Variants in GNG7 observed in about 807,000 individuals in gnomAD.
GNG7 encodes the protein guanine nucleotide-binding protein G(I)/G(S)/G(O) subunit gamma-7.
GNG7 carries 1 observed loss-of-function variant against 4.0 expected under a neutral mutation model. The observed-to-expected ratio is 0.25, with a 90% CI of 0.09 to 1.18. The LOEUF (loss-of-function observed/expected upper bound fraction) is 1.18, where lower values mean the gene tolerates loss of function less well. Among genes scored for constraint, GNG7 ranks in the 50% most tolerant of loss-of-function variants. The pLI, the probability that GNG7 is intolerant of heterozygous loss-of-function variation, is 0.50. For synonymous variants in GNG7, 34 were observed against 36.9 expected (o/e 0.92, Z 0.29); for missense variants, 86 against 91.9 (o/e 0.94, Z 0.26).
chr19:2,655,295 G>A (rs1011866744), intron 1 of GNG7, among the ~76,000 whole-genome samples: 3 of 151,688 alleles, frequency 2.0e-5, no homozygotes, highest in Non-Finnish European at 4.4e-5. Flanking sequence ...ATAAAGACAC[G>A]CAGGCAGCCA....
intron 2 of GNG7, among the ~76,000 whole-genome samples, chr19:2,636,943 C>T (rs1982323752): frequency 1.3e-5 from 2 of 151,692 alleles, no homozygotes; most frequent in African/African-American, 4.8e-5. Context: ...CACCTCCGTC[C>T]CCACTTGTGC....
intron 3 of GNG7, among the ~76,000 whole-genome samples, chr19:2,522,041 C>T (rs1378170928): frequency 6.6e-6 from 1 of 152,172 alleles, no homozygotes; most frequent in Non-Finnish European, 1.5e-5. Flanking sequence ...GTGGAATCCC[C>T]AGATCTCATC....
intron 1 of GNG7, among the ~76,000 whole-genome samples, chr19:2,686,945 G>C (rs1312691527): frequency 6.6e-6 from 1 of 151,588 alleles, no homozygotes; most frequent in African/African-American, 2.4e-5. Flanking sequence ...GTAGAGACGG[G>C]GTTTCACCGT....
At chr19:2,622,224 C>T (rs1291015989) in intron 2 of GNG7, among the ~76,000 whole-genome samples, 2 of 152,054 alleles carry the variant, frequency 1.3e-5, no homozygotes, top group East Asian at 3.9e-4. Context: ...GGACTACAGG[C>T]GCCCGCCACC....
intron 2 of GNG7, among the ~76,000 whole-genome samples, chr19:2,597,764 C>T (rs1360980417): frequency 2.0e-5 from 3 of 150,790 alleles, no homozygotes; most frequent in African/African-American, 4.9e-5. Context: ...GGCGTGGTGG[C>T]GGGCGCCTGT....
In GNG7 at chr19:2,527,006, G is replaced by A. The variant is rs191235890; in HGVS notation, c.-37-6281C>T. Among the ~76,000 whole-genome samples the A allele has an allele frequency of 1.3e-4, 19 of 151,706 alleles. No homozygotes were observed. In the South Asian group the frequency reaches 1.7e-3, roughly 13 times the overall value. Reference sequence around the variant, plus strand: ...GACTACAGGCGCGCGCCACCACACCGGGCTAATTTTTGTATTTTTAGTAGA... The same window carrying A: ...GACTACAGGCGCGCGCCACCACACCAGGCTAATTTTTGTATTTTTAGTAGA... On this transcript the variant is annotated intron_variant, in intron 3 of 4. Coordinates refer to ENST00000382159, the MANE Select transcript of GNG7 (RefSeq NM_052847.3).
At chr19:2,579,351 CGGGCAGGA>C (rs1202876362) in intron 2 of GNG7, among the ~76,000 whole-genome samples, 1 of 152,218 alleles carries the variant, frequency 6.6e-6, no homozygotes, top group African/African-American at 2.4e-5. Flanking sequence ...CCAGGGCGGG[CGGGCAGGA>C]GGGCAGGCAC....
intron 3 of GNG7, among the ~76,000 whole-genome samples, chr19:2,534,963 G>A (rs972189518): frequency 6.6e-6 from 1 of 152,170 alleles, no homozygotes; most frequent in Non-Finnish European, 1.5e-5. Flanking sequence ...ACAGCCTATG[G>A]TTCATTTCAT....
intron 2 of GNG7, among the ~76,000 whole-genome samples, chr19:2,622,626 G>A (rs2144834193): frequency 7.2e-6 from 1 of 138,728 alleles, no homozygotes; most frequent in East Asian, 2.1e-4. Flanking sequence ...CGCGAGCAAC[G>A]CGGCAGAGAG....
chr19:2,644,447 TA>T (rs1239513065), intron 2 of GNG7, among the ~76,000 whole-genome samples: 3 of 105,846 alleles, frequency 2.8e-5, no homozygotes, highest in Non-Finnish European at 6.2e-5. Flanking sequence ...TGCACCCATT[TA>T]AAATGCATAA....
At chr19:2,680,722 T>C (rs1468180298) in intron 1 of GNG7, among the ~76,000 whole-genome samples, 1 of 151,870 alleles carries the variant, frequency 6.6e-6, no homozygotes, top group African/African-American at 2.4e-5. Flanking sequence ...ATTACAGGCA[T>C]GCATCACCAC....
intron 1 of GNG7, among the ~76,000 whole-genome samples, chr19:2,684,164 T>G (rs1599461097): frequency 7.4e-6 from 1 of 135,766 alleles, no homozygotes. Flanking sequence ...TGAGATGGAG[T>G]CTCACTCTGT....
chr19:2,559,251 A>G (rs1392992399), intron 2 of GNG7, among the ~76,000 whole-genome samples: 2 of 152,076 alleles, frequency 1.3e-5, no homozygotes, highest in African/African-American at 4.8e-5. Flanking sequence ...GTTTGCGAAC[A>G]CAAATCATTA....
chr19:2,543,970 G>A (rs544679761), intron 3 of GNG7, among the ~76,000 whole-genome samples: 2 of 152,224 alleles, frequency 1.3e-5, no homozygotes, highest in African/African-American at 4.8e-5. Flanking sequence ...TTCCTCCTGG[G>A]GGTCTGGCAA....
chr19:2,545,453 G>A (rs1191945686), intron 3 of GNG7, among the ~76,000 whole-genome samples: 6 of 151,850 alleles, frequency 4.0e-5, no homozygotes, highest in Non-Finnish European at 7.4e-5. Context: ...TTCGAGACCA[G>A]CCTGGTCAAC....
intron 3 of GNG7, among the ~76,000 whole-genome samples, chr19:2,532,924 C>A (rs193219349): frequency 3.9e-5 from 6 of 152,230 alleles, no homozygotes; most frequent in African/African-American, 1.4e-4. Flanking sequence ...TCACCTATGA[C>A]CCAGCAATTC....
rs1406003715 is a variant in GNG7, at chr19:2,513,388, T to G, written c.*1634A>C. The G allele has an allele frequency of 4.8e-6, 3 of 624,942 alleles. No homozygotes were observed. The highest frequency in any genetic ancestry group is 6.0e-6 in the Non-Finnish European group (3 of 500,770). 38.7% of individuals were successfully genotyped at this position (624,942 alleles called of 1,614,324 possible). ...AGGGGGTCGGGGCGGCCAGGCCTCC[T>G]GCGATCAGGGCTGCGTGGGGTCCAT... On this transcript the variant is annotated 3_prime_UTR_variant, in exon 5 of 5. Transcript: ENST00000382159.
In GNG7 at chr19:2,512,185, C is replaced by T. The variant is rs563960316; in HGVS notation, c.*2837G>A. The stretch of plus-strand genomic sequence containing the variant: ...TAGAGCTGCTGCTGCCACCCCCGCC[C>T]GCCAGCTCCCCGTCTGGAGGTGCAC... On this transcript the variant is annotated 3_prime_UTR_variant, in exon 5 of 5. Coordinates refer to ENST00000382159, the MANE Select transcript of GNG7 (RefSeq NM_052847.3). This position sits in a 1 kb window ranked among gnomAD's most constrained non-coding sequence, Gnocchi z 4.7. 901 of 985,926 alleles carry T rather than the reference C, an allele frequency of 9.1e-4. 2 individuals carry two copies. The highest frequency in any genetic ancestry group is 1.0e-3 in the Non-Finnish European group (868 of 829,990). 61.1% of individuals were successfully genotyped at this position (985,926 alleles called of 1,614,324 possible). A position where few individuals can be genotyped will look rare whatever the true frequency, so the allele number is the denominator to read the frequency against.
At chr19:2,619,006 C>T (rs774242802) in intron 2 of GNG7, among the ~76,000 whole-genome samples, 7 of 152,144 alleles carry the variant, frequency 4.6e-5, no homozygotes, top group Non-Finnish European at 1.0e-4. Context: ...TTTAAGAAAA[C>T]GGTTACTATC....
Sources: allele counts gnomAD v4.1 joint callset (sites outside exome capture counted in the v4.1 genomes callset), GRCh38; gene constraint gnomAD v4.1.1; non-coding constraint Gnocchi (gnomAD v3.1); transcripts MANE v1.5; gene names NCBI Gene and HGNC (gene_info 2026-07-23, HGNC 2026-07-21).